Variants in CHODL observed in about 807,000 individuals in gnomAD.
CHODL encodes the protein transmembrane protein MT75.
A neutral mutation model predicts 34.5 loss-of-function variants in CHODL; 29 were observed. That is an observed-to-expected ratio of 0.84 (90% CI 0.63 to 1.15). CHODL has a LOEUF of 1.15. Ranked by LOEUF, CHODL falls within the 50% of genes most tolerant of loss-of-function variation. The pLI is 0.00. For missense variants in CHODL, 332 were observed against 332.5 expected, an observed-to-expected ratio of 1.00 and a Z score of 0.01; for synonymous variants, 125 against 116.1, an observed-to-expected ratio of 1.08 and a Z score of -0.49.
At chr21:18,145,330 G>A (rs974917868) in intron 2 of CHODL, among the ~76,000 whole-genome samples, 2 of 148,308 alleles carry the variant, frequency 1.3e-5, no homozygotes, top group Non-Finnish European at 3.0e-5. Context: ...CCAGCTACTC[G>A]GGAGGCTGAG....
intron 1 of CHODL, among the ~76,000 whole-genome samples, chr21:17,995,649 C>T (rs2063841982): frequency 6.6e-6 from 1 of 152,206 alleles, no homozygotes; most frequent in South Asian, 2.1e-4. Flanking sequence ...ACAACAATCC[C>T]ATCTCTTGTG....
intron 2 of CHODL, among the ~76,000 whole-genome samples, chr21:18,212,747 T>A (rs1300284654): frequency 6.6e-6 from 1 of 152,168 alleles, no homozygotes; most frequent in Non-Finnish European, 1.5e-5. Context: ...AATTTCTAAA[T>A]TCATCTCTTT....
intron 1 of CHODL, among the ~76,000 whole-genome samples, chr21:17,938,220 A>G (rs1427897429): frequency 6.6e-6 from 1 of 152,090 alleles, no homozygotes; most frequent in Non-Finnish European, 1.5e-5. Flanking sequence ...TGCCATTTCT[A>G]CAGACTGTCC....
At chr21:17,963,063 CAAAAA>C (rs752553578) in intron 1 of CHODL, among the ~76,000 whole-genome samples, 19 of 136,504 alleles carry the variant, frequency 1.4e-4, no homozygotes, top group African/African-American at 5.5e-4. Context: ...GACTATGTCT[CAAAAA>C]AAAAAAATAA....
chr21:17,922,946 A>C (rs2063194198), intron 1 of CHODL, among the ~76,000 whole-genome samples: 1 of 152,172 alleles, frequency 6.6e-6, no homozygotes, highest in Non-Finnish European at 1.5e-5. Flanking sequence ...AAAGATGAAC[A>C]TTGGTTCCTT....
intron 2 of CHODL, among the ~76,000 whole-genome samples, chr21:18,102,731 A>C (rs1340428069): frequency 1.3e-5 from 2 of 152,216 alleles, no homozygotes; most frequent in African/African-American, 4.8e-5. Flanking sequence ...CTATATTAAA[A>C]ATGAACACTT....
intron 2 of CHODL, among the ~76,000 whole-genome samples, chr21:18,049,178 C>A (rs943278706): frequency 6.6e-6 from 1 of 151,914 alleles, no homozygotes; most frequent in Non-Finnish European, 1.5e-5. Context: ...TTGAGTAATT[C>A]TATTACCAGT....
intron 2 of CHODL, among the ~76,000 whole-genome samples, chr21:18,140,981 AAC>A (rs2072794410): frequency 6.6e-6 from 1 of 151,128 alleles, no homozygotes; most frequent in African/African-American, 2.5e-5. Context: ...CATTCAGTAT[AAC>A]ATTAGCTATT....
chr21:18,228,653 T>G (rs73204820), intron 2 of CHODL, among the ~76,000 whole-genome samples: 1,918 of 152,262 alleles, frequency 0.013, 18 homozygotes, highest in Non-Finnish European at 0.02. Flanking sequence ...AGAGAACTTG[T>G]ACATCCCAAA....
intron 2 of CHODL, among the ~76,000 whole-genome samples, chr21:18,040,748 T>C (rs2064365370): frequency 6.6e-6 from 1 of 151,902 alleles, no homozygotes. Flanking sequence ...TAGTGTATCT[T>C]GAGTGTTATC....
intron 2 of CHODL, among the ~76,000 whole-genome samples, chr21:18,111,415 T>G (rs762397240): frequency 5.0e-4 from 76 of 152,334 alleles, no homozygotes; most frequent in Non-Finnish European, 9.3e-4. Flanking sequence ...ATGATGAGAT[T>G]GTCGGCTACG....
At chr21:18,020,865 G>A (rs1462044568) in intron 1 of CHODL, among the ~76,000 whole-genome samples, 2 of 152,168 alleles carry the variant, frequency 1.3e-5, no homozygotes, top group South Asian at 2.1e-4. Flanking sequence ...AGCATTTTGG[G>A]AGGCTGAGAT....
intron 2 of CHODL, among the ~76,000 whole-genome samples, chr21:18,051,682 T>G (rs751574325): frequency 6.6e-6 from 1 of 151,932 alleles, no homozygotes; most frequent in Non-Finnish European, 1.5e-5. Context: ...TAAGAAATGT[T>G]TGGTTCCTCT....
intron 1 of CHODL, among the ~76,000 whole-genome samples, chr21:17,965,477 A>C (rs574636858): frequency 3.9e-4 from 59 of 150,112 alleles, no homozygotes; most frequent in African/African-American, 1.4e-3. Flanking sequence ...CCTCCTTCTT[A>C]TTATTATTGT....
chr21:18,034,941 C>G (rs896395229), intron 2 of CHODL, among the ~76,000 whole-genome samples: 6 of 151,976 alleles, frequency 3.9e-5, no homozygotes, highest in African/African-American at 1.4e-4. Context: ...TAGGTCATCT[C>G]AGATGAGAGA....
intron 2 of CHODL, among the ~76,000 whole-genome samples, chr21:18,070,030 C>T (rs868011711): frequency 8.6e-4 from 39 of 45,326 alleles, no homozygotes; most frequent in Non-Finnish European, 1.6e-3. Context: ...TTCCCTCCCC[C>T]CCCCCACCCA....
chr21:18,087,885 G>A (rs2065026149), intron 2 of CHODL, among the ~76,000 whole-genome samples: 1 of 152,278 alleles, frequency 6.6e-6, no homozygotes, highest in Non-Finnish European at 1.5e-5. Context: ...AGTTTTGCAG[G>A]CTGTACAGGA....
In CHODL at chr21:18,101,515, A is replaced by G. The variant is rs557497383; in HGVS notation, c.-45+73544A>G. 9.8e-4 allele frequency among the ~76,000 whole-genome samples: 150 copies of G among 152,294 alleles called. 1 individual carries two copies. The highest frequency in any genetic ancestry group is 3.2e-3 in the African/African-American group (133 of 41,560). On this transcript the variant is annotated intron_variant, in intron 2 of 6. Transcript: ENST00000400127. ...AGAAACTTTTTAATACAAAATGTGT[A>G]GAGATATTCATTTAATACTCAAAAA...
chr21:18,249,887 A>G lies in CHODL; in HGVS notation c.79+4585A>G, dbSNP rs534731340. Among the ~76,000 whole-genome samples the G allele has an allele frequency of 2.0e-5, 3 of 152,256 alleles. No individual in the cohort carries two copies. In the East Asian group the frequency reaches 5.8e-4, roughly 29 times the overall value. The stretch of plus-strand genomic sequence containing the variant: ...CTGTGTCGAGGTACAAGCCAAAGAG[A>G]CAGGAGAAGGAGCTCAGCTTGGCAA... On this transcript the variant is annotated intron_variant, in intron 1 of 5. Coordinates refer to ENST00000299295, the MANE Select transcript of CHODL (RefSeq NM_024944.3).
Sources: allele counts gnomAD v4.1 joint callset (sites outside exome capture counted in the v4.1 genomes callset), GRCh38; gene constraint gnomAD v4.1.1; transcripts MANE v1.5; gene names NCBI Gene and HGNC (gene_info 2026-07-23, HGNC 2026-07-21).